The following PRIM2 variants were observed in gnomAD, a reference collection of about 807,000 sequenced individuals.
PRIM2 encodes the protein DNA primase subunit 2.
PRIM2 carries 39 observed loss-of-function variants against 67.3 expected under a neutral mutation model. That is an observed-to-expected ratio of 0.58 (90% CI 0.45 to 0.76). The LOEUF (loss-of-function observed/expected upper bound fraction) is 0.76, where lower values mean the gene tolerates loss of function less well. Ranked by LOEUF, PRIM2 falls within the 30% of genes least tolerant of loss-of-function variation. The pLI is 0.00. For missense variants in PRIM2, 398 were observed against 598.7 expected (o/e 0.66, Z 3.50); for synonymous variants, 143 against 198.7 (o/e 0.72, Z 2.36).
chr6:57,510,174 G>A lies in PRIM2; in HGVS notation c.761+2720G>A, dbSNP rs1320457096. Among the ~76,000 whole-genome samples, 6 of 152,244 alleles carry A rather than the reference G, an allele frequency of 3.9e-5. No individual in the cohort carries two copies. In the South Asian group the frequency reaches 1.0e-3, roughly 26 times the overall value. ...TTTCTCCATTATAGTATGCTTGAAA[G>A]CTTGTAAAGTGATGTTCATATTTGT... On this transcript the variant is annotated intron_variant, in intron 8 of 13. Transcript: ENST00000615550.
intron 12 of PRIM2, among the ~76,000 whole-genome samples, chr6:57,621,042 G>A (rs1254859870): frequency 6.6e-6 from 1 of 152,166 alleles, no homozygotes; most frequent in African/African-American, 2.4e-5. Flanking sequence ...TTGTCCCTCA[G>A]TTTCTCCATT....
chr6:57,627,522 G>A (rs1776972031), intron 12 of PRIM2, among the ~76,000 whole-genome samples: 3 of 151,188 alleles, frequency 2.0e-5, no homozygotes, highest in Non-Finnish European at 4.4e-5. Context: ...CTGAGTAGCT[G>A]GGATTACAGA....
chr6:57,305,028 A>G, the PRIM2 span, among the ~76,000 whole-genome samples: 7 of 152,222 alleles, frequency 4.6e-5, 1 homozygote, highest in South Asian at 1.5e-3. Flanking sequence ...TCAAGTATTG[A>G]TTAGTCAGAG....
chr6:57,614,523 C>G (rs1313347606), intron 12 of PRIM2, among the ~76,000 whole-genome samples: 2 of 152,098 alleles, frequency 1.3e-5, no homozygotes, highest in Non-Finnish European at 2.9e-5. Flanking sequence ...TTGGTCATTT[C>G]TTATTGGCAC....
At chr6:57,399,309 C>T (rs559754224) in intron 7 of PRIM2, among the ~76,000 whole-genome samples, 41 of 152,240 alleles carry the variant, frequency 2.7e-4, no homozygotes, top group African/African-American at 7.9e-4. Flanking sequence ...TCTGGCCTTG[C>T]GATAGTTTGC....
chr6:57,283,534 T>A, the PRIM2 span, among the ~76,000 whole-genome samples: 4 of 152,202 alleles, frequency 2.6e-5, no homozygotes, highest in Non-Finnish European at 5.9e-5. Flanking sequence ...AATATAGCGT[T>A]AAGTTAGAGT....
At chr6:57,487,232 T>C (rs1773775018) in intron 7 of PRIM2, among the ~76,000 whole-genome samples, 1 of 152,168 alleles carries the variant, frequency 6.6e-6, no homozygotes, top group Non-Finnish European at 1.5e-5. Flanking sequence ...ATATTCATGT[T>C]GTTAAAGATG....
intron 7 of PRIM2, among the ~76,000 whole-genome samples, chr6:57,426,783 A>C (rs1304471095): frequency 6.6e-6 from 1 of 152,216 alleles, no homozygotes; most frequent in Non-Finnish European, 1.5e-5. Flanking sequence ...ATTTTGATAT[A>C]GTTTTGATTT....
chr6:57,400,427 C>T (rs1770669044), intron 7 of PRIM2, among the ~76,000 whole-genome samples: 2 of 152,156 alleles, frequency 1.3e-5, no homozygotes, highest in African/African-American at 4.8e-5. Context: ...ATATAGGCCC[C>T]TAATCTTTTC....
intron 10 of PRIM2, among the ~76,000 whole-genome samples, chr6:57,587,814 G>T (rs1211513166): frequency 6.6e-6 from 1 of 152,096 alleles, no homozygotes; most frequent in South Asian, 2.1e-4. Flanking sequence ...ATAGATCCTA[G>T]GAAGGAACTG....
the PRIM2 span, among the ~76,000 whole-genome samples, chr6:57,270,535 G>C: frequency 6.6e-6 from 1 of 152,216 alleles, no homozygotes; most frequent in East Asian, 1.9e-4. Context: ...GGGCTGAGAC[G>C]ATGGGGTTTT....
the PRIM2 span, among the ~76,000 whole-genome samples, chr6:57,298,842 T>A: frequency 6.6e-6 from 1 of 152,104 alleles, no homozygotes; most frequent in African/African-American, 2.4e-5. Flanking sequence ...ACAATCTGAA[T>A]CATTTTGATT....
intron 7 of PRIM2, among the ~76,000 whole-genome samples, chr6:57,499,507 G>A (rs1298945144): frequency 6.6e-6 from 1 of 152,110 alleles, no homozygotes; most frequent in African/African-American, 2.4e-5. Context: ...TGAAGACACA[G>A]GGACAAAGAG....
intron 13 of PRIM2, among the ~76,000 whole-genome samples, chr6:57,635,784 A>G (rs1224425933): frequency 1.3e-5 from 2 of 152,174 alleles, no homozygotes; most frequent in Non-Finnish European, 1.5e-5. Context: ...TCTCACTTGG[A>G]TCACTGCAAT....
At chr6:57,339,047 C>G (rs1768375857) in intron 5 of PRIM2, among the ~76,000 whole-genome samples, 1 of 152,018 alleles carries the variant, frequency 6.6e-6, no homozygotes, top group Admixed American at 6.5e-5. Flanking sequence ...CACAAGCATT[C>G]TTATACACCA....
intron 7 of PRIM2, among the ~76,000 whole-genome samples, chr6:57,501,996 C>A (rs1429493847): frequency 2.6e-5 from 4 of 152,082 alleles, no homozygotes; most frequent in African/African-American, 9.7e-5. Flanking sequence ...GCCAATATTT[C>A]TGCTTTATTT....
chr6:57,400,042 T>A (rs1770653066), intron 7 of PRIM2, among the ~76,000 whole-genome samples: 1 of 152,280 alleles, frequency 6.6e-6, no homozygotes, highest in South Asian at 2.1e-4. Context: ...CCATTGGGTC[T>A]TGCTTTTTTA....
chr6:57,400,470 G>C (rs1189904707), intron 7 of PRIM2, among the ~76,000 whole-genome samples: 3 of 152,168 alleles, frequency 2.0e-5, no homozygotes, highest in Non-Finnish European at 4.4e-5. Context: ...GTGATCTGCT[G>C]TTAGCCTGAT....
intron 5 of PRIM2, chr6:57,326,257 G>A (rs1275609021): frequency 6.6e-6 from 3 of 454,860 alleles, no homozygotes; most frequent in Non-Finnish European, 3.8e-6. Context: ...ACACTTACTT[G>A]CTCTGTTAAA....
Sources: gnomAD v4.1 joint callset for allele counts (sites outside exome capture counted in the v4.1 genomes callset) on GRCh38, gnomAD v4.1.1 for gene constraint, MANE v1.5 for transcripts, NCBI Gene and HGNC (gene_info 2026-07-23, HGNC 2026-07-21) for gene names.